NGLY1: variants seen among roughly 807,000 people sequenced by gnomAD.
NGLY1 encodes peptide-N(4)-(N-acetyl-beta-glucosaminyl)asparagine amidase.
NGLY1 carries 68 observed loss-of-function variants against 84.6 expected under a neutral mutation model. The observed-to-expected ratio is 0.80, with a 90% confidence interval of 0.66 to 0.98. NGLY1 has a LOEUF of 0.98. Among genes scored for constraint, NGLY1 ranks in the 50% least tolerant of loss-of-function variants. The pLI, the probability that NGLY1 is intolerant of heterozygous loss-of-function variation, is 0.00. For synonymous variants in NGLY1, 280 were observed against 275.2 expected, an observed-to-expected ratio of 1.02 and a Z score of -0.17; for missense variants, 779 against 770.2, an observed-to-expected ratio of 1.01 and a Z score of -0.14.
chr3:25,780,285 C>A (rs1708351967), intron 1 of NGLY1, among the ~76,000 whole-genome samples: 1 of 152,192 alleles, frequency 6.6e-6, no homozygotes, highest in Admixed American at 6.5e-5. Flanking sequence ...GCATTCCTGG[C>A]TTCCATGCTA....
rs1002395711 is a variant in NGLY1, at chr3:25,734,910, T to C, written c.1150-928A>G. The C allele has an allele frequency of 1.2e-5, 10 of 801,512 alleles. No homozygotes were observed. In the African/African-American group the frequency reaches 1.6e-4, roughly 13 times the overall value. The allele number at this position is 801,512 out of a possible 1,614,324, so 49.7% of individuals were successfully genotyped here. On this transcript the variant is annotated intron_variant, in intron 7 of 11. Transcript: ENST00000280700. ...ATTCAACAAATAAAAATTTTATCCA[T>C]TTTTATTGTATTAGATTTATATTAC...
intron 1 of NGLY1, among the ~76,000 whole-genome samples, chr3:25,781,562 G>A (rs1448639659): frequency 6.6e-6 from 1 of 152,172 alleles, no homozygotes; most frequent in Non-Finnish European, 1.5e-5. Flanking sequence ...CATTATTCCA[G>A]TGTGTCCACT....
At chr3:25,749,825 G>C (rs1575633397) in intron 4 of NGLY1, 3 of 1,174,554 alleles carry the variant, frequency 2.6e-6, no homozygotes, top group African/African-American at 1.5e-5. Flanking sequence ...AGCCATCATG[G>C]AAAGAGCCAC....
intron 4 of NGLY1, 143 bp from the exon 5 acceptor site, chr3:25,739,942 A>G (rs2125486067): frequency 1.5e-6 from 1 of 650,218 alleles, no homozygotes; most frequent in East Asian, 2.7e-5. Flanking sequence ...GGCAAGAAGA[A>G]ACTGTCATTT....
At position 25,758,199 on chromosome 3, in the gene NGLY1, A is replaced by C. The variant is rs115474665; in HGVS notation, c.492+5867T>G. On this transcript the variant is annotated intron_variant, in intron 3 of 11. Coordinates refer to ENST00000280700, the MANE Select transcript of NGLY1 (RefSeq NM_018297.4). ...AGAAAATCACTAACAATCTAATGAG[A>C]TCTAACAAAGCCCCTTAAATTCAAA... Among the ~76,000 whole-genome samples the C allele has an allele frequency of 6.8e-4, 104 of 152,350 alleles. 1 individual carries two copies. The highest frequency in any genetic ancestry group is 2.4e-3 in the African/African-American group (101 of 41,586).
At chr3:25,787,794 G>A (rs1366770701), upstream of NGLY1, among the ~76,000 whole-genome samples, 2 of 152,136 alleles carry the variant, frequency 1.3e-5, no homozygotes, top group South Asian at 4.1e-4. Context: ...ACTCTCATGC[G>A]TTTACTGTTG....
intron 3 of NGLY1, chr3:25,755,452 A>G: frequency 4.1e-6 from 6 of 1,466,580 alleles, no homozygotes; most frequent in Non-Finnish European, 5.7e-6. Flanking sequence ...CTCCAATGTC[A>G]GTGACAAGCC....
Position 25,729,123 on chromosome 3 carries a change from A to G in NGLY1, c.1611+10T>C, listed in dbSNP as rs1283407906. 7.0e-7 allele frequency: 1 copy of G among 1,437,380 alleles called. No individual in the cohort carries two copies. Among genetic ancestry groups the G allele is most frequent in the Non-Finnish European group, 9.2e-7 (1 of 1,082,018 alleles). 89.0% of individuals were successfully genotyped at this position (1,437,380 alleles called of 1,614,324 possible). On this transcript the variant is annotated intron_variant, in intron 10 of 11. Transcript: ENST00000280700. ...ACAAAAGTTTTAAATGGTTTTATGC[A>G]TTAAGTTACCATGTGCCAGTCTGTT...
upstream of NGLY1, among the ~76,000 whole-genome samples, chr3:25,786,369 T>C (rs1479132724): frequency 1.3e-5 from 2 of 150,782 alleles, no homozygotes; most frequent in African/African-American, 4.9e-5. Context: ...CTAAAAATGA[T>C]GTTTTTAATA....
intron 5 of NGLY1, among the ~76,000 whole-genome samples, chr3:25,739,254 T>G (rs998787911): frequency 2.0e-5 from 3 of 152,026 alleles, no homozygotes; most frequent in Non-Finnish European, 4.4e-5. Flanking sequence ...AGAACAAGAG[T>G]CAACAAATTT....
At chr3:25,745,627 C>T (rs549429688) in intron 4 of NGLY1, among the ~76,000 whole-genome samples, 1 of 152,052 alleles carries the variant, frequency 6.6e-6, no homozygotes, top group Non-Finnish European at 1.5e-5. Flanking sequence ...ATTCTATAAC[C>T]CCAACAACTT....
chr3:25,764,063 T>C lies in NGLY1; in HGVS notation c.492+3A>G, dbSNP rs1457471824. On this transcript the variant is annotated splice_donor_region_variant and intron_variant, in intron 3 of 11. Coordinates refer to ENST00000280700, the MANE Select transcript of NGLY1 (RefSeq NM_018297.4). The stretch of plus-strand genomic sequence containing the variant: ...GTTAAAGAAGGTTTAATTCTAACAT[T>C]ACCGTTGAAGCAGATGGTGGATCTG... 6.2e-7 allele frequency: 1 copy of C among 1,613,906 alleles called. No individual in the cohort carries two copies. Among genetic ancestry groups the C allele is most frequent in the East Asian group, 2.2e-5 (1 of 44,882 alleles).
intron 7 of NGLY1, chr3:25,735,762 T>C (rs1397428001): frequency 3.0e-6 from 1 of 336,660 alleles, no homozygotes; most frequent in Non-Finnish European, 5.4e-6. Context: ...AATTTGAAAT[T>C]GTGAAAAAAA....
chr3:25,749,060 A>G (rs1333877055), intron 4 of NGLY1, among the ~76,000 whole-genome samples: 1 of 152,210 alleles, frequency 6.6e-6, no homozygotes, highest in East Asian at 1.9e-4. Flanking sequence ...CTTCATCCCC[A>G]TTAGCATGGC....
intron 2 of NGLY1, among the ~76,000 whole-genome samples, chr3:25,775,324 G>C (rs1708105852): frequency 6.6e-6 from 1 of 152,172 alleles, no homozygotes; most frequent in South Asian, 2.1e-4. Context: ...ATATTGAAGA[G>C]GTATCTGCAT....
intron 2 of NGLY1, among the ~76,000 whole-genome samples, chr3:25,774,813 C>T (rs1708081558): frequency 6.6e-6 from 1 of 152,010 alleles, no homozygotes; most frequent in African/African-American, 2.4e-5. Flanking sequence ...CCATTTGCCA[C>T]CTCCCCTACA....
At chr3:25,779,297 C>G (rs148390671) in intron 1 of NGLY1, among the ~76,000 whole-genome samples, 3 of 151,978 alleles carry the variant, frequency 2.0e-5, no homozygotes, top group African/African-American at 7.3e-5. Flanking sequence ...ATTTCTTTTA[C>G]CATAATTAAG....
At chr3:25,745,951 C>A (rs1706401984) in intron 4 of NGLY1, among the ~76,000 whole-genome samples, 1 of 152,184 alleles carries the variant, frequency 6.6e-6, no homozygotes, top group South Asian at 2.1e-4. Flanking sequence ...AGTCTTTCGG[C>A]CAAGACGTGT....
intron 3 of NGLY1, among the ~76,000 whole-genome samples, chr3:25,754,540 T>A (rs1002243828): frequency 1.3e-5 from 2 of 152,124 alleles, no homozygotes; most frequent in Non-Finnish European, 2.9e-5. Flanking sequence ...CGATCTGATG[T>A]GTTTTCAGAA....
Sources: allele counts gnomAD v4.1 joint callset (sites outside exome capture counted in the v4.1 genomes callset), GRCh38; gene constraint gnomAD v4.1.1; transcripts MANE v1.5; gene names NCBI Gene and HGNC (gene_info 2026-07-23, HGNC 2026-07-21).